Variants in ABCA12 observed in about 807,000 individuals in gnomAD.
ABCA12 encodes glucosylceramide transporter ABCA12.
ABCA12 carries 156 observed loss-of-function variants against 293.5 expected under a neutral mutation model. The observed-to-expected ratio is 0.53, with a 90% CI of 0.47 to 0.61. The LOEUF is 0.61. Ranked by LOEUF, ABCA12 falls within the 20% of genes least tolerant of loss-of-function variation. The probability of loss-of-function intolerance (pLI) is 0.00; values close to 1 mark genes in which losing one functional copy is unlikely to be tolerated. For missense variants in ABCA12, 2,797 were observed against 3,090.2 expected, an observed-to-expected ratio of 0.91 and a Z score of 2.25; for synonymous variants, 1,063 against 1,108.0, an observed-to-expected ratio of 0.96 and a Z score of 0.81.
chr2:215,119,473 A>T (rs1329954136), intron 1 of ABCA12, among the ~76,000 whole-genome samples: 1 of 152,066 alleles, frequency 6.6e-6, no homozygotes, highest in East Asian at 1.9e-4. Flanking sequence ...TCTTGAGTTA[A>T]TTTTTATATA....
intron 11 of ABCA12, chr2:215,023,405 C>T (rs566185070): frequency 5.3e-5 from 8 of 152,112 alleles, no homozygotes; most frequent in Non-Finnish European, 1.0e-4. Context: ...TCAAAAGAAA[C>T]GAGTGTAGTT....
At chr2:214,961,955 G>A (rs1699125441) in intron 39 of ABCA12, 1 of 152,192 alleles carries the variant, frequency 6.6e-6, no homozygotes, top group Non-Finnish European at 1.5e-5. Context: ...ATGCCCAACA[G>A]TAGGAAGATG....
In ABCA12 at chr2:214,983,739, G is replaced by C. The variant is rs1445854238; in HGVS notation, c.4290C>G (p.Phe1430Leu). 2 of 1,613,948 alleles carry C rather than the reference G, an allele frequency of 1.2e-6. No homozygotes were observed. The highest frequency in any genetic ancestry group is 1.7e-6 in the Non-Finnish European group (2 of 1,180,002). Residue 1430 changes from phenylalanine (F) to leucine (L), a missense_variant, in exon 29 of 53, where the codon TTC becomes TTG. By Grantham distance (22) the Phe-to-Leu change is conservative. Around this residue, in one of 3 missense-constraint regions of ABCA12, gnomAD observed 2,130 missense variants for 2,427.0 expected, o/e 0.88. Coordinates refer to ENST00000272895, the MANE Select transcript of ABCA12 (RefSeq NM_173076.3). Reference protein sequence around the residue: ...MGVCMQHDVLFSYLTTKEHLL... With the variant: ...MGVCMQHDVLLSYLTTKEHLL... ...GGTGCTCCTTAGTAGTGAGGTAACTGAACAAGACGTCGTGCTGCATACAGA... is the reference window on the plus strand; with the variant it reads ...GGTGCTCCTTAGTAGTGAGGTAACTCAACAAGACGTCGTGCTGCATACAGA...
At chr2:214,984,365 G>A (rs1699740554) in intron 28 of ABCA12, among the ~76,000 whole-genome samples, 1 of 152,078 alleles carries the variant, frequency 6.6e-6, no homozygotes, top group East Asian at 1.9e-4. Context: ...CAAAGTGCTG[G>A]GATTACAGGC....
intron 21 of ABCA12, among the ~76,000 whole-genome samples, chr2:215,001,316 A>G (rs1023674994): frequency 6.6e-6 from 1 of 152,198 alleles, no homozygotes; most frequent in Non-Finnish European, 1.5e-5. Context: ...ATGAGGATGG[A>G]CTCAACTTCA....
intron 8 of ABCA12, among the ~76,000 whole-genome samples, chr2:215,035,567 G>A (rs1393917043): frequency 6.6e-6 from 1 of 151,220 alleles, no homozygotes; most frequent in Non-Finnish European, 1.5e-5. Context: ...TCGGGAGGCT[G>A]AGGCAGAGAA....
intron 35 of ABCA12, among the ~76,000 whole-genome samples, 197 bp downstream of exon 35, chr2:214,974,581 A>G (rs1699466897): frequency 6.6e-6 from 1 of 152,208 alleles, no homozygotes; most frequent in African/African-American, 2.4e-5. Flanking sequence ...AAATCATAAG[A>G]CATCTAATAT....
intron 28 of ABCA12, 41 bp from the exon 29 acceptor site, chr2:214,983,906 T>C (rs371344947): frequency 3.5e-5 from 55 of 1,571,638 alleles, no homozygotes; most frequent in Non-Finnish European, 4.6e-5. Context: ...AAGCCAAGCA[T>C]TGAAGCTAGA....
intron 2 of ABCA12, among the ~76,000 whole-genome samples, chr2:215,099,335 C>T (rs574648048): frequency 6.6e-6 from 1 of 152,316 alleles, no homozygotes; most frequent in Non-Finnish European, 1.5e-5. Flanking sequence ...GACGTCCTAG[C>T]CCAAATCCTG....
intron 2 of ABCA12, among the ~76,000 whole-genome samples, chr2:215,074,070 A>T (rs1356127027): frequency 2.0e-5 from 3 of 152,008 alleles, no homozygotes; most frequent in East Asian, 3.9e-4. Context: ...CCTTCTTTAA[A>T]TTTTTCTCCC....
In ABCA12 at chr2:215,049,804, T is replaced by C; in HGVS notation, c.515A>G (p.Lys172Arg). The change falls in exon 6 of 53, where the codon AAG becomes AGG. Residue 172 changes from lysine (K) to arginine (R), a missense_variant. Coordinates refer to ENST00000272895, the MANE Select transcript of ABCA12 (RefSeq NM_173076.3). ...ARILGLEKLLKQNSTSEDIRR... is the reference protein window; with the variant it reads ...ARILGLEKLLRQNSTSEDIRR... Reference sequence around the variant, plus strand: ...TATATCTTCTGAAGTTGAATTTTGCTTTAACAGCTAAAAGCATGTGTGAAA... The same window carrying C: ...TATATCTTCTGAAGTTGAATTTTGCCTTAACAGCTAAAAGCATGTGTGAAA... 6.2e-7 allele frequency: 1 copy of C among 1,612,236 alleles called. No homozygotes were observed. The highest frequency in any genetic ancestry group is 8.5e-7 in the Non-Finnish European group (1 of 1,179,126).
Position 215,019,707 on chromosome 2 carries a change from G to T in ABCA12, c.1377C>A (p.Ser459Arg). 6.2e-7 allele frequency: 1 copy of T among 1,614,124 alleles called. No individual in the cohort carries two copies. The highest frequency in any genetic ancestry group is 1.1e-5 in the South Asian group (1 of 91,084). Residue 459 changes from serine to arginine, a missense_variant, in exon 12 of 53, where the codon AGC becomes AGA. By Grantham distance (110) the Ser-to-Arg change is moderately radical (BLOSUM62 -1). Transcript: ENST00000272895. ...CACTTTCTTCACACAGGCTCCCAAA[G>T]CTCATATCAGAGAGCTGGCATGACT... ...IEKSCQLSDMSFGSLCEESEF... is the reference protein window; with the variant it reads ...IEKSCQLSDMRFGSLCEESEF...
chr2:215,077,293 T>C (rs1701853078), intron 2 of ABCA12, among the ~76,000 whole-genome samples: 1 of 152,228 alleles, frequency 6.6e-6, no homozygotes, highest in Non-Finnish European at 1.5e-5. Context: ...CGGCCATAAC[T>C]AGGTTTTAGT....
At chr2:214,995,680 T>C (rs1423014268) in intron 23 of ABCA12, among the ~76,000 whole-genome samples, 1 of 152,158 alleles carries the variant, frequency 6.6e-6, no homozygotes, top group African/African-American at 2.4e-5. Flanking sequence ...CCTTCCACGC[T>C]CACCTCCATC....
rs760739044 is a variant in ABCA12 at position 214,959,092 on chromosome 2, C to G, written c.5885-14G>C. 1.2e-6 allele frequency: 2 copies of G among 1,611,968 alleles called. No homozygotes were observed. Among genetic ancestry groups the G allele is most frequent in the Admixed American group, 1.7e-5 (1 of 59,960 alleles). ...ACATGATGATGCCTTAAAGACGAAA[C>G]AGTTCTTCTATTAGTAGGTATTCAG... On this transcript the variant is annotated splice_polypyrimidine_tract_variant and intron_variant, in intron 39 of 52. Transcript: ENST00000272895.
chr2:214,978,557 C>A, intron 32 of ABCA12, 91 bp from the exon 33 acceptor site: 2 of 1,484,552 alleles, frequency 1.3e-6, no homozygotes, highest in Non-Finnish European at 9.2e-7. Flanking sequence ...ACTTTTATCA[C>A]ATTTACTGAG....
chr2:215,012,848 T>C (rs754682364), intron 15 of ABCA12, among the ~76,000 whole-genome samples: 1 of 152,140 alleles, frequency 6.6e-6, no homozygotes, highest in Non-Finnish European at 1.5e-5. Flanking sequence ...TAAAGGCAAA[T>C]GTCAACTACA....
At chr2:215,052,802 T>A (rs1194474573) in intron 4 of ABCA12, among the ~76,000 whole-genome samples, 1 of 152,142 alleles carries the variant, frequency 6.6e-6, no homozygotes, top group Non-Finnish European at 1.5e-5. Flanking sequence ...TCTGTTCTTG[T>A]TGTTTATCCA....
At chr2:214,952,536 T>C (rs1347623884) in intron 44 of ABCA12, among the ~76,000 whole-genome samples, 2 of 152,140 alleles carry the variant, frequency 1.3e-5, no homozygotes, top group African/African-American at 4.8e-5. Context: ...CTATCGTGGA[T>C]TATTTTCTGC....
Sources: gnomAD v4.1 joint callset for allele counts (sites outside exome capture counted in the v4.1 genomes callset) on GRCh38, gnomAD v4.1.1 for gene constraint, gnomAD v4.1.1 regional missense constraint, MANE v1.5 for transcripts, NCBI Gene and HGNC (gene_info 2026-07-23, HGNC 2026-07-21) for gene names.